NTNG1: variants seen among roughly 807,000 people sequenced by gnomAD.
NTNG1 encodes netrin G1.
NTNG1 carries 16 observed loss-of-function variants against 54.0 expected under a neutral mutation model. That is an observed-to-expected ratio of 0.30 (90% CI 0.20 to 0.45). The LOEUF (loss-of-function observed/expected upper bound fraction) is 0.45, where lower values mean the gene tolerates loss of function less well. Ranked by LOEUF, NTNG1 falls within the 20% of genes least tolerant of loss-of-function variation. NTNG1 has a pLI of 1.00. For synonymous variants in NTNG1, 255 were observed against 263.1 expected (o/e 0.97, Z 0.30); for missense variants, 530 against 678.7 (o/e 0.78, Z 2.43).
intron 7 of NTNG1, among the ~76,000 whole-genome samples, chr1:107,462,884 T>C (rs771548009): frequency 6.6e-6 from 1 of 152,188 alleles, no homozygotes; most frequent in Non-Finnish European, 1.5e-5. Flanking sequence ...AAGCCAAGGC[T>C]CAGGGAGGTC....
At chr1:107,164,764 A>G (rs189027690) in intron 2 of NTNG1, among the ~76,000 whole-genome samples, 3,876 of 152,286 alleles carry the variant, frequency 0.025, 178 homozygotes, top group African/African-American at 0.089. Flanking sequence ...TGTTAGAAAC[A>G]AAACGCTTGT....
At chr1:107,289,945 A>G (rs1253001991) in intron 2 of NTNG1, among the ~76,000 whole-genome samples, 2 of 152,202 alleles carry the variant, frequency 1.3e-5, no homozygotes, top group African/African-American at 4.8e-5. Flanking sequence ...TTTCCCACTA[A>G]GAACAATTAT....
At chr1:107,272,154 CAGTT>C (rs543055471) in intron 2 of NTNG1, among the ~76,000 whole-genome samples, 25 of 152,014 alleles carry the variant, frequency 1.6e-4, no homozygotes, top group African/African-American at 5.8e-4. Flanking sequence ...GCAAATGGCT[CAGTT>C]AGTTATCATC....
intron 2 of NTNG1, among the ~76,000 whole-genome samples, chr1:107,174,266 A>G (rs1029970792): frequency 6.6e-6 from 1 of 152,106 alleles, no homozygotes; most frequent in African/African-American, 2.4e-5. Context: ...TGAAGACAAA[A>G]ATAAAAAGCA....
intron 7 of NTNG1, among the ~76,000 whole-genome samples, chr1:107,460,021 GT>G (rs1677186383): frequency 6.6e-6 from 1 of 151,774 alleles, no homozygotes. Context: ...TTCTCACTTT[GT>G]TCTTTTCCTT....
Position 107,206,071 on chromosome 1 carries a change from G to C in NTNG1, c.246+57232G>C, listed in dbSNP as rs537106561. 1.2e-4 allele frequency among the ~76,000 whole-genome samples: 18 copies of C among 152,148 alleles called. No homozygotes were observed. In the East Asian group the frequency reaches 1.9e-3, roughly 16 times the overall value. ...TTTCCAGGGCTGCTGAAACTTTCTAGTACATATTTTTGATGAATATATATG... is the reference window on the plus strand; with the variant it reads ...TTTCCAGGGCTGCTGAAACTTTCTACTACATATTTTTGATGAATATATATG... On this transcript the variant is annotated intron_variant, in intron 2 of 7. Coordinates refer to ENST00000370068, the MANE Select transcript of NTNG1 (RefSeq NM_001113226.3).
At chr1:107,219,553 G>C (rs966512739) in intron 2 of NTNG1, among the ~76,000 whole-genome samples, 1 of 152,194 alleles carries the variant, frequency 6.6e-6, no homozygotes, top group African/African-American at 2.4e-5. Context: ...TCAAAGGGAA[G>C]ATATAGGACT....
At chr1:107,282,476 C>A (rs1415775992) in intron 2 of NTNG1, among the ~76,000 whole-genome samples, 1 of 152,104 alleles carries the variant, frequency 6.6e-6, no homozygotes, top group Admixed American at 6.6e-5. Context: ...TCTCTACCTG[C>A]TGATGAAAGG....
chr1:107,422,156 T>C (rs558621026), intron 5 of NTNG1, among the ~76,000 whole-genome samples: 2 of 152,188 alleles, frequency 1.3e-5, no homozygotes, highest in South Asian at 4.1e-4. Flanking sequence ...CCGTGGAACA[T>C]AGAAGATGCC....
chr1:107,222,799 C>CT (rs113401472), intron 2 of NTNG1, among the ~76,000 whole-genome samples: 9,247 of 108,842 alleles, frequency 0.085, 464 homozygotes, highest in African/African-American at 0.12. Context: ...ACCAGTGCTG[C>CT]TTTTTTTTTT....
intron 3 of NTNG1, among the ~76,000 whole-genome samples, chr1:107,355,880 T>C (rs371349206): frequency 6.6e-5 from 10 of 152,316 alleles, no homozygotes; most frequent in African/African-American, 2.2e-4. Flanking sequence ...GGTTTTATTG[T>C]TTATTTCTGA....
intron 2 of NTNG1, among the ~76,000 whole-genome samples, chr1:107,183,863 C>T (rs1268265677): frequency 2.6e-5 from 4 of 152,130 alleles, no homozygotes; most frequent in African/African-American, 9.7e-5. Flanking sequence ...GATCACCTTT[C>T]AACCAGTTGC....
In NTNG1 at chr1:107,442,461, C is replaced by G. The variant is rs188845737; in HGVS notation, c.1390+5662C>G. ...TTAACCAACTTGACTATCAAACGCTCTTTCTTCTGAGGTTTTGATGAACAT... is the reference window on the plus strand; with the variant it reads ...TTAACCAACTTGACTATCAAACGCTGTTTCTTCTGAGGTTTTGATGAACAT... On this transcript the variant is annotated intron_variant, in intron 7 of 7. Transcript: ENST00000370068. Among the ~76,000 whole-genome samples, 264 of 152,166 alleles carry G rather than the reference C, an allele frequency of 1.7e-3. 2 individuals carry two copies. The highest frequency in any genetic ancestry group is 3.1e-3 in the Non-Finnish European group (214 of 68,000).
chr1:107,378,988 T>G (rs1671479027), intron 3 of NTNG1, among the ~76,000 whole-genome samples: 1 of 152,130 alleles, frequency 6.6e-6, no homozygotes, highest in African/African-American at 2.4e-5. Context: ...AATAGAAAAA[T>G]CCTCATTTTC....
intron 5 of NTNG1, among the ~76,000 whole-genome samples, chr1:107,430,308 A>C (rs1675179031): frequency 6.6e-6 from 1 of 152,160 alleles, no homozygotes; most frequent in South Asian, 2.1e-4. Flanking sequence ...AGCCATGGTG[A>C]TGGTACTTAG....
At chr1:107,255,231 TA>T (rs2101631463) in intron 2 of NTNG1, among the ~76,000 whole-genome samples, 1 of 152,346 alleles carries the variant, frequency 6.6e-6, no homozygotes, top group South Asian at 2.1e-4. Context: ...TTTACAAACA[TA>T]AAATGTTTTT....
intron 3 of NTNG1, among the ~76,000 whole-genome samples, chr1:107,335,732 A>G (rs924216785): frequency 7.9e-5 from 12 of 152,098 alleles, no homozygotes; most frequent in African/African-American, 2.9e-4. Context: ...GTTAAAATTC[A>G]GCAAAGTTGC....
chr1:107,345,030 A>G (rs1046249848), intron 3 of NTNG1, among the ~76,000 whole-genome samples: 3 of 152,174 alleles, frequency 2.0e-5, no homozygotes, highest in African/African-American at 7.2e-5. Context: ...TCCCTGGAGT[A>G]GTTCCAAAAT....
intron 2 of NTNG1, among the ~76,000 whole-genome samples, chr1:107,188,116 A>C (rs1162976792): frequency 6.6e-6 from 1 of 152,052 alleles, no homozygotes; most frequent in African/African-American, 2.4e-5. Flanking sequence ...CTTATTTGAC[A>C]GTTTTTAATT....
Sources: allele counts gnomAD v4.1 joint callset (sites outside exome capture counted in the v4.1 genomes callset), GRCh38; gene constraint gnomAD v4.1.1; transcripts MANE v1.5; gene names NCBI Gene and HGNC (gene_info 2026-07-23, HGNC 2026-07-21).